Variants in B4GALT6 observed in about 807,000 individuals in gnomAD.
The protein encoded by B4GALT6 is UDP-Gal:beta-GlcNAc beta-1,4-galactosyltransferase 6.
A neutral mutation model predicts 46.3 loss-of-function variants in B4GALT6; 14 were observed. The observed-to-expected ratio is 0.30, with a 90% confidence interval of 0.20 to 0.47. B4GALT6 has a LOEUF of 0.47. Among genes scored for constraint, B4GALT6 ranks in the 20% least tolerant of loss-of-function variants. The pLI is 0.99. For synonymous variants in B4GALT6, 168 were observed against 162.0 expected (o/e 1.04, Z -0.28); for missense variants, 386 against 480.1 (o/e 0.80, Z 1.83).
rs1598858762 is a variant in B4GALT6, at chr18:31,625,690, T to C, written c.1073A>G (p.Lys358Arg). 2.5e-6 allele frequency: 4 copies of C among 1,613,850 alleles called. No homozygotes were observed. Among genetic ancestry groups the C allele is most frequent in the East Asian group, 2.2e-5 (1 of 44,876 alleles). Residue 358 changes from lysine to arginine, a missense_variant, in exon 9 of 9, where the codon AAA becomes AGA. Physicochemically the swap from Lys to Arg is conservative, Grantham distance 26 (BLOSUM62 2). Coordinates refer to ENST00000306851, the MANE Select transcript of B4GALT6 (RefSeq NM_004775.5). ...TGTATACAACCTATCAACCAGTATT[T>C]TTGGCCTATATATTAAATTGTTCAG... Reference protein sequence around the residue: ...DGLNNLIYRPKILVDRLYTNI... With the variant: ...DGLNNLIYRPRILVDRLYTNI...
the B4GALT6 span, among the ~76,000 whole-genome samples, chr18:31,702,523 T>G: frequency 2.0e-5 from 3 of 152,308 alleles, no homozygotes; most frequent in South Asian, 6.2e-4. Context: ...TGCTCCCATT[T>G]GTATCTTTGG....
At chr18:31,689,482 T>G (rs978145227), upstream of B4GALT6, among the ~76,000 whole-genome samples, 1 of 152,110 alleles carries the variant, frequency 6.6e-6, no homozygotes, top group Non-Finnish European at 1.5e-5. Flanking sequence ...CAATGGTTCA[T>G]GCCTGTAATC....
chr18:31,658,428 C>T (rs1454726749), intron 2 of B4GALT6: 1 of 193,226 alleles, frequency 5.2e-6, no homozygotes, highest in Non-Finnish European at 1.1e-5. Flanking sequence ...GAATCCCCTC[C>T]ACTATGGCAC....
At chr18:31,668,239 G>GT (rs1248965426) in intron 1 of B4GALT6, among the ~76,000 whole-genome samples, 4 of 152,230 alleles carry the variant, frequency 2.6e-5, no homozygotes, top group African/African-American at 9.6e-5. Flanking sequence ...GTTCTCACTT[G>GT]TAAGTGGGAG....
chr18:31,648,300 A>C (rs1409803580), intron 3 of B4GALT6, among the ~76,000 whole-genome samples: 1 of 152,246 alleles, frequency 6.6e-6, no homozygotes, highest in Non-Finnish European at 1.5e-5. Flanking sequence ...GTTGACTGAA[A>C]TCCATTTACC....
intron 6 of B4GALT6, among the ~76,000 whole-genome samples, chr18:31,627,671 C>T (rs1488689431): frequency 6.6e-6 from 1 of 152,154 alleles, no homozygotes; most frequent in Non-Finnish European, 1.5e-5. Flanking sequence ...CAAATATATT[C>T]ATTTTCAATG....
the B4GALT6 span, among the ~76,000 whole-genome samples, chr18:31,720,581 T>C: frequency 6.6e-6 from 1 of 152,216 alleles, no homozygotes; most frequent in Non-Finnish European, 1.5e-5. Flanking sequence ...TAGAGGTCCC[T>C]CAATTCCCTG....
At chr18:31,686,986 T>C (rs1196885177), upstream of B4GALT6, among the ~76,000 whole-genome samples, 1 of 152,240 alleles carries the variant, frequency 6.6e-6, no homozygotes, top group Non-Finnish European at 1.5e-5. Context: ...AGTAACATTA[T>C]AGAATTTGAT....
chr18:31,667,590 T>C (rs891701136), intron 1 of B4GALT6, among the ~76,000 whole-genome samples: 1 of 152,194 alleles, frequency 6.6e-6, no homozygotes, highest in Non-Finnish European at 1.5e-5. Context: ...GAGCATAAAT[T>C]AAACTACTAG....
rs114839963 is a variant in B4GALT6 at position 31,660,960 on chromosome 18, T to C, written c.233-2871A>G. Among the ~76,000 whole-genome samples the C allele has an allele frequency of 2.7e-3, 415 of 152,250 alleles. 1 individual carries two copies. The highest frequency in any genetic ancestry group is 9.2e-3 in the African/African-American group (384 of 41,528). ...TCAACAGACTTCTCAAAAGCAGCAC[T>C]GGAAGAGAGAAGACAATGGCATGGG... On this transcript the variant is annotated intron_variant, in intron 2 of 8. Transcript: ENST00000306851.
chr18:31,641,236 ATC>A (rs1376717559), intron 4 of B4GALT6, among the ~76,000 whole-genome samples: 2 of 152,210 alleles, frequency 1.3e-5, no homozygotes, highest in Non-Finnish European at 2.9e-5. Flanking sequence ...TAATACAATA[ATC>A]TCTTCAATGA....
the B4GALT6 span, among the ~76,000 whole-genome samples, chr18:31,706,696 T>G: frequency 2.6e-5 from 4 of 152,208 alleles, no homozygotes; most frequent in Admixed American, 2.0e-4. Flanking sequence ...TTTCCATAAT[T>G]TTATGGTTAA....
At chr18:31,653,435 C>CTTT (rs5823819) in intron 3 of B4GALT6, among the ~76,000 whole-genome samples, 76 of 74,152 alleles carry the variant, frequency 1.0e-3, no homozygotes, top group South Asian at 2.1e-3. Context: ...AACCTTTTTT[C>CTTT]TTTTTTTTTT....
intron 5 of B4GALT6, among the ~76,000 whole-genome samples, chr18:31,634,290 C>T (rs917076582): frequency 1.3e-5 from 2 of 152,210 alleles, no homozygotes; most frequent in African/African-American, 4.8e-5. Context: ...AAAGTTTCTA[C>T]AAGATACAAC....
chr18:31,629,483 T>TTG (rs1168906576), intron 6 of B4GALT6, among the ~76,000 whole-genome samples: 3 of 124,994 alleles, frequency 2.4e-5, no homozygotes, highest in African/African-American at 1.0e-4. Flanking sequence ...TTTTTTTTTT[T>TTG]GTGAAAATCG....
At chr18:31,641,139 T>A (rs763856080) in intron 4 of B4GALT6, among the ~76,000 whole-genome samples, 1 of 152,204 alleles carries the variant, frequency 6.6e-6, no homozygotes, top group East Asian at 1.9e-4. Context: ...GAGTCCCAAT[T>A]AAAGACAGTG....
upstream of B4GALT6, among the ~76,000 whole-genome samples, chr18:31,687,983 G>T (rs774612829): frequency 4.0e-5 from 6 of 148,866 alleles, no homozygotes; most frequent in Non-Finnish European, 5.9e-5. Context: ...CAGTGAATTG[G>T]GGGGAAGAAA....
chr18:31,629,506 C>A (rs1293439837), intron 6 of B4GALT6, among the ~76,000 whole-genome samples: 2 of 83,118 alleles, frequency 2.4e-5, no homozygotes, highest in Admixed American at 4.2e-4. Flanking sequence ...TACCCTGGAT[C>A]TAATGTGATT....
chr18:31,651,773 A>G (rs1235133584), intron 3 of B4GALT6, among the ~76,000 whole-genome samples: 1 of 151,436 alleles, frequency 6.6e-6, no homozygotes, highest in Non-Finnish European at 1.5e-5. Flanking sequence ...TCTTCTCTTC[A>G]TCTTTTTCTT....
Sources: allele counts gnomAD v4.1 joint callset (sites outside exome capture counted in the v4.1 genomes callset), GRCh38; gene constraint gnomAD v4.1.1; transcripts MANE v1.5; gene names NCBI Gene and HGNC (gene_info 2026-07-23, HGNC 2026-07-21).